ZNF250: variants seen among roughly 807,000 people sequenced by gnomAD.
The protein encoded by ZNF250 is zinc finger protein (clone 647).
A neutral mutation model predicts 37.1 loss-of-function variants in ZNF250; 13 were observed. The observed-to-expected ratio is 0.35, with a 90% CI of 0.23 to 0.56. The LOEUF (loss-of-function observed/expected upper bound fraction) is 0.56. ZNF250 is among the 20% of genes least tolerant of loss of function. ZNF250 has a pLI of 0.87. For synonymous variants in ZNF250, 251 were observed against 265.6 expected (o/e 0.94, Z 0.54); for missense variants, 474 against 697.9 (o/e 0.68, Z 3.61).
Position 144,893,110 on chromosome 8 carries a change from G to A in ZNF250, c.-54-2707C>T, listed in dbSNP as rs147106436. ...ACTCCCGACCTCAGGTGATCCACCCGCCTTGGCCTCCCAAAGTGCTGGGAT... is the reference window on the plus strand; with the variant it reads ...ACTCCCGACCTCAGGTGATCCACCCACCTTGGCCTCCCAAAGTGCTGGGAT... On this transcript the variant is annotated intron_variant, in intron 1 of 5. Coordinates refer to ENST00000417550, the MANE Select transcript of ZNF250 (RefSeq NM_001109689.4). 5.1e-3 allele frequency among the ~76,000 whole-genome samples: 779 copies of A among 151,866 alleles called. 8 individuals carry two copies. Among genetic ancestry groups the A allele is most frequent in the African/African-American group, 0.018 (724 of 41,362 alleles).
At chr8:144,886,984 C>T (rs1369814156) in intron 4 of ZNF250, 82 bp from the exon 5 acceptor site, 24 of 1,259,924 alleles carry the variant, frequency 1.9e-5, no homozygotes, top group African/African-American at 4.4e-5. Flanking sequence ...TGGTGGCTCA[C>T]GTCTGTAATC....
intron 5 of ZNF250, among the ~76,000 whole-genome samples, chr8:144,885,194 A>G (rs1365741723): frequency 6.6e-6 from 1 of 152,188 alleles, no homozygotes; most frequent in African/African-American, 2.4e-5. Context: ...ATCTCAGCTC[A>G]CCGCAACCTC....
chr8:144,896,178 A>G (rs1422740065), intron 1 of ZNF250, among the ~76,000 whole-genome samples: 1 of 151,914 alleles, frequency 6.6e-6, no homozygotes, highest in Non-Finnish European at 1.5e-5. Context: ...TGGACAATAT[A>G]GTGAGACCCC....
chr8:144,900,653 A>T (rs2129927311), intron 1 of ZNF250, among the ~76,000 whole-genome samples: 1 of 152,364 alleles, frequency 6.6e-6, no homozygotes, highest in East Asian at 1.9e-4. Flanking sequence ...GCTCTAACAC[A>T]GTAACAGAAA....
chr8:144,896,018 A>G (rs1832698668), intron 1 of ZNF250, among the ~76,000 whole-genome samples: 1 of 151,688 alleles, frequency 6.6e-6, no homozygotes, highest in Admixed American at 6.6e-5. Context: ...CAAAAAAAAA[A>G]AAAAAAAAAA....
At position 144,881,387 on chromosome 8, in the gene ZNF250, T is replaced by G; in HGVS notation, c.*128A>C. ...CACGCTAAGTGCTTCTTTCTGGAGTTATTTTGTGACACTGAATCGCCAAAG... is the reference window on the plus strand; with the variant it reads ...CACGCTAAGTGCTTCTTTCTGGAGTGATTTTGTGACACTGAATCGCCAAAG... On this transcript the variant is annotated 3_prime_UTR_variant, in exon 6 of 6. Transcript: ENST00000417550. The G allele has an allele frequency of 7.3e-7, 1 of 1,374,130 alleles. No individual in the cohort carries two copies. The highest frequency in any genetic ancestry group is 9.6e-7 in the Non-Finnish European group (1 of 1,039,976). 85.1% of individuals were successfully genotyped at this position (1,374,130 alleles called of 1,614,324 possible).
chr8:144,882,760 C>T lies in ZNF250; in HGVS notation c.423G>A (p.Leu141=), dbSNP rs539202756. 52 of 1,614,016 alleles carry T rather than the reference C, an allele frequency of 3.2e-5. No homozygotes were observed. The South Asian group carries it at 5.3e-4, about 16-fold the overall frequency. Residue 141 remains leucine (L), a synonymous_variant, in exon 6 of 6, where the codon CTG becomes CTA. Coordinates refer to ENST00000417550, the MANE Select transcript of ZNF250 (RefSeq NM_001109689.4). The surrounding 1 kb of genome is among the most constrained non-coding windows in gnomAD (Gnocchi z 5.5). ...CAATCCTCCCCAAGGGTGTTTTCCCCAGAATCACTGTTTGCTCTGAAATTA... is the reference window on the plus strand; with the variant it reads ...CAATCCTCCCCAAGGGTGTTTTCCCTAGAATCACTGTTTGCTCTGAAATTA... ...KPLISEQTVI[L]GKTPLGRIDQ...
Position 144,882,420 on chromosome 8 carries a change from A to T in ZNF250, c.763T>A (p.Cys255Ser). ...TGEKPYECNE[C>S]GKAFRVSSDL... The stretch of plus-strand genomic sequence containing the variant: ...GAGCTCACTCTAAAGGCTTTTCCAC[A>T]CTCATTACACTCATAGGGCTTCTCA... Residue 255 changes from cysteine to serine, a missense_variant, in exon 6 of 6, where the codon TGT (cysteine) becomes AGT (serine). Transcript: ENST00000417550. This position sits in a 1 kb window ranked among gnomAD's most constrained non-coding sequence, Gnocchi z 5.5. 6.2e-7 allele frequency: 1 copy of T among 1,613,784 alleles called. No individual in the cohort carries two copies. The highest frequency in any genetic ancestry group is 8.5e-7 in the Non-Finnish European group (1 of 1,179,988).
In ZNF250 at chr8:144,889,893, A is replaced by G. The variant is rs149507593; in HGVS notation, c.169+40T>C. 8.9e-6 allele frequency: 14 copies of G among 1,564,376 alleles called. No homozygotes were observed. In the African/African-American group the frequency reaches 9.5e-5, roughly 11 times the overall value. ...CCTGAGAAGCCCCCACCCCAGTCCA[A>G]TACGCAGATACATAGACGAGGCCTG... On this transcript the variant is annotated intron_variant, in intron 3 of 5. Transcript: ENST00000417550.
rs1831528196 is a variant in ZNF250, at chr8:144,882,173, T to C, written c.1010A>G (p.Asn337Ser). 4 of 1,611,010 alleles carry C rather than the reference T, an allele frequency of 2.5e-6. No individual in the cohort carries two copies. Among genetic ancestry groups the C allele is most frequent in the Middle Eastern group, 1.7e-4 (1 of 6,026 alleles). Residue 337 changes from asparagine (N) to serine (S), a missense_variant, in exon 6 of 6, where the codon AAT becomes AGT. This residue lies in a region of ZNF250 where 282 missense variants were observed against 470.4 expected (regional missense o/e 0.60). Coordinates refer to ENST00000417550, the MANE Select transcript of ZNF250 (RefSeq NM_001109689.4). The surrounding 1 kb of genome is among the most constrained non-coding windows in gnomAD (Gnocchi z 5.5). ...CACACTGAAGGTTTTCCCACACTCA[T>C]TGCACCTGTGAGGCTTCTCCCCAGT... ...VHTGEKPHRC[N>S]ECGKTFSVKR... is the part of the protein sequence containing the mutation.
intron 1 of ZNF250, among the ~76,000 whole-genome samples, chr8:144,892,007 A>G (rs1165844190): frequency 6.6e-6 from 1 of 152,220 alleles, no homozygotes; most frequent in African/African-American, 2.4e-5. Flanking sequence ...GTCTCAAAAC[A>G]AAACAAAAAA....
Position 144,880,768 on chromosome 8 carries a change from G to T in ZNF250, c.*747C>A. ...AATCCTAGTTACTTGGGAGACTGAG[G>T]CACAAGAAAAGCTTGAACCTGGGGT... On this transcript the variant is annotated 3_prime_UTR_variant, in exon 6 of 6. Coordinates refer to ENST00000417550, the MANE Select transcript of ZNF250 (RefSeq NM_001109689.4). 3.6e-6 allele frequency: 1 copy of T among 278,280 alleles called. No individual in the cohort carries two copies. Among genetic ancestry groups the T allele is most frequent in the Non-Finnish European group, 7.4e-6 (1 of 135,932 alleles). 17.2% of individuals were successfully genotyped at this position (278,280 alleles called of 1,614,324 possible).
At position 144,881,236 on chromosome 8, in the gene ZNF250, A is replaced by T. The variant is rs995216828; in HGVS notation, c.*279T>A. 9.4e-6 allele frequency: 3 copies of T among 320,756 alleles called. No homozygotes were observed. The highest frequency in any genetic ancestry group is 1.1e-4 in the East Asian group (2 of 17,570). 19.9% of individuals were successfully genotyped at this position (320,756 alleles called of 1,614,324 possible). Reference sequence around the variant, plus strand: ...TAAATTCCCTTAGTTCAAATAAACTAATGTTAAAGAATTATGGCTGTTTTT... The same window carrying T: ...TAAATTCCCTTAGTTCAAATAAACTTATGTTAAAGAATTATGGCTGTTTTT... On this transcript the variant is annotated 3_prime_UTR_variant, in exon 6 of 6. Transcript: ENST00000417550.
intron 1 of ZNF250, among the ~76,000 whole-genome samples, chr8:144,893,886 C>T (rs145994632): frequency 6.6e-6 from 1 of 152,288 alleles, no homozygotes; most frequent in Non-Finnish European, 1.5e-5. Context: ...TGTGTTTATG[C>T]ACCTCAGTAC....
At position 144,878,060 on chromosome 8, in the gene ZNF250, T is replaced by A. The variant is rs1183579448; in HGVS notation, c.*3455A>T. ...GCTTCCTTTCATAGAAGATTTAAGA[T>A]AGCACCACAGTGTTCTCATTTTCTC... On this transcript the variant is annotated 3_prime_UTR_variant, in exon 6 of 6. Coordinates refer to ENST00000417550, the MANE Select transcript of ZNF250 (RefSeq NM_001109689.4). The A allele has an allele frequency of 6.6e-6, 1 of 152,236 alleles. No individual in the cohort carries two copies. The highest frequency in any genetic ancestry group is 1.5e-5 in the Non-Finnish European group (1 of 68,044). 9.4% of individuals were successfully genotyped at this position (152,236 alleles called of 1,614,324 possible). A position where few individuals can be genotyped will look rare whatever the true frequency, so the allele number is the denominator to read the frequency against.
At position 144,901,374 on chromosome 8, in the gene ZNF250, G is replaced by A. The variant is rs2129937442; in HGVS notation, c.-55+25C>T. On this transcript the variant is annotated intron_variant, in intron 1 of 5. Coordinates refer to ENST00000417550, the MANE Select transcript of ZNF250 (RefSeq NM_001109689.4). The surrounding 1 kb of genome is among the most constrained non-coding windows in gnomAD (Gnocchi z 5.4). ...CCGTGATGGGAGAGGGTCCTGGCCG[G>A]CGACGACACGCGCCCCCCACTCACC... 1 of 152,772 alleles carries A rather than the reference G, an allele frequency of 6.5e-6. No individual in the cohort carries two copies. The highest frequency in any genetic ancestry group is 6.5e-5 in the Admixed American group (1 of 15,302). The allele number at this position is 152,772 out of a possible 1,614,324, so 9.5% of individuals were successfully genotyped here.
At chr8:144,889,474 C>A in intron 4 of ZNF250, 107 bp downstream of exon 4, 1 of 840,804 alleles carries the variant, frequency 1.2e-6, no homozygotes, top group Non-Finnish European at 1.9e-6. Flanking sequence ...AGGTTTTACT[C>A]CAGGTGGAAG....
In ZNF250 at chr8:144,882,783, T is replaced by C. The variant is rs376486577; in HGVS notation, c.400A>G (p.Ile134Val). The change falls in exon 6 of 6, where the codon ATT (isoleucine) becomes GTT (valine). Residue 134 changes from isoleucine (I) to valine (V), a missense_variant. Coordinates refer to ENST00000417550, the MANE Select transcript of ZNF250 (RefSeq NM_001109689.4). This position sits in a 1 kb window ranked among gnomAD's most constrained non-coding sequence, Gnocchi z 5.5. ...CCCAGAATCACTGTTTGCTCTGAAA[T>C]TAATGGCTTCGGACTCAAGTCTGTA... ...QNTDLSPKPL[I>V]SEQTVILGKT... The C allele has an allele frequency of 9.3e-6, 15 of 1,613,792 alleles. No individual in the cohort carries two copies. Among genetic ancestry groups the C allele is most frequent in the Admixed American group, 1.7e-5 (1 of 59,956 alleles).
At position 144,897,470 on chromosome 8, in the gene ZNF250, T is replaced by C. The variant is rs1406699863; in HGVS notation, c.-55+3929A>G. Reference sequence around the variant, plus strand: ...CAGAATTAATGATCAGAAATATGTATCCAAATTGATAGCTTTCTGGTCGGG... The same window carrying C: ...CAGAATTAATGATCAGAAATATGTACCCAAATTGATAGCTTTCTGGTCGGG... On this transcript the variant is annotated intron_variant, in intron 1 of 5. Coordinates refer to ENST00000417550, the MANE Select transcript of ZNF250 (RefSeq NM_001109689.4). The surrounding 1 kb of genome is among the most constrained non-coding windows in gnomAD (Gnocchi z 5.2). 6.6e-6 allele frequency among the ~76,000 whole-genome samples: 1 copy of C among 152,178 alleles called. No homozygotes were observed. Among genetic ancestry groups the C allele is most frequent in the Admixed American group, 6.5e-5 (1 of 15,284 alleles).
Sources: gnomAD v4.1 joint callset for allele counts (sites outside exome capture counted in the v4.1 genomes callset) on GRCh38, gnomAD v4.1.1 for gene constraint, gnomAD v4.1.1 regional missense constraint, Gnocchi (gnomAD v3.1) non-coding constraint, MANE v1.5 for transcripts, NCBI Gene and HGNC (gene_info 2026-07-23, HGNC 2026-07-21) for gene names.